Variants in RAD51 observed in about 807,000 individuals in gnomAD.
RAD51 encodes the protein RAD51 recombinase.
A neutral mutation model predicts 41.5 loss-of-function variants in RAD51; 14 were observed. The ratio of observed to expected loss-of-function variants is 0.34; its 90% CI spans 0.22 to 0.53. The LOEUF (loss-of-function observed/expected upper bound fraction) is 0.53. Among genes scored for constraint, RAD51 ranks in the 20% least tolerant of loss-of-function variants. The pLI is 0.95. For missense variants in RAD51, 234 were observed against 422.0 expected (o/e 0.55, Z 3.90); for synonymous variants, 136 against 148.6 (o/e 0.92, Z 0.62).
At chr15:40,698,483 G>A (rs1218761125) in intron 1 of RAD51, among the ~76,000 whole-genome samples, 3 of 152,062 alleles carry the variant, frequency 2.0e-5, no homozygotes, top group African/African-American at 4.8e-5. Flanking sequence ...ACCGCGCCCC[G>A]CCAAGATCAA....
intron 3 of RAD51, among the ~76,000 whole-genome samples, chr15:40,705,053 T>C (rs1356536333): frequency 6.6e-6 from 1 of 151,696 alleles, no homozygotes; most frequent in Non-Finnish European, 1.5e-5. Context: ...CCAGCAGTCC[T>C]CCCACCTCAG....
intron 6 of RAD51, among the ~76,000 whole-genome samples, chr15:40,725,779 G>A (rs1021321728): frequency 2.0e-5 from 3 of 152,252 alleles, no homozygotes; most frequent in African/African-American, 4.8e-5. Flanking sequence ...CCTAAGGTCA[G>A]GAGTTTGAGA....
intron 7 of RAD51, among the ~76,000 whole-genome samples, chr15:40,729,202 C>T (rs1896742887): frequency 6.6e-6 from 1 of 151,762 alleles, no homozygotes; most frequent in Non-Finnish European, 1.5e-5. Context: ...GAATCCGTCT[C>T]TACTAAAAAA....
At chr15:40,708,884 T>A (rs1253950464) in intron 4 of RAD51, 141 bp from the exon 5 acceptor site, 1 of 800,614 alleles carries the variant, frequency 1.2e-6, no homozygotes, top group Non-Finnish European at 2.1e-6. Flanking sequence ...TCAAAATACA[T>A]TTGTGAAAAA....
At chr15:40,710,258 A>G (rs1895621333) in intron 5 of RAD51, among the ~76,000 whole-genome samples, 1 of 146,632 alleles carries the variant, frequency 6.8e-6, no homozygotes, top group African/African-American at 2.5e-5. Context: ...AAAAAAAAAA[A>G]AAAAAAAAAA....
intron 1 of RAD51, among the ~76,000 whole-genome samples, chr15:40,697,538 C>T (rs941301356): frequency 2.0e-5 from 3 of 149,092 alleles, no homozygotes. Context: ...TTTTGACAGA[C>T]GATTGTACAT....
At chr15:40,703,056 T>C (rs145670471) in intron 3 of RAD51, among the ~76,000 whole-genome samples, 93 of 152,314 alleles carry the variant, frequency 6.1e-4, no homozygotes, top group Middle Eastern at 6.8e-3. Context: ...CTATATTCCT[T>C]GAGCTCCCAT....
intron 6 of RAD51, among the ~76,000 whole-genome samples, chr15:40,728,153 C>T (rs944493435): frequency 6.6e-6 from 1 of 152,186 alleles, no homozygotes; most frequent in African/African-American, 2.4e-5. Flanking sequence ...AGCCACCGCA[C>T]CTGGCCCTCA....
intron 6 of RAD51, among the ~76,000 whole-genome samples, chr15:40,723,630 G>T (rs1390317054): frequency 2.0e-5 from 3 of 152,166 alleles, no homozygotes; most frequent in African/African-American, 7.2e-5. Flanking sequence ...GATAATCTAA[G>T]GGATAGAAGA....
At chr15:40,706,799 A>T (rs1895372112) in intron 4 of RAD51, among the ~76,000 whole-genome samples, 1 of 152,194 alleles carries the variant, frequency 6.6e-6, no homozygotes, top group Non-Finnish European at 1.5e-5. Context: ...CTGCAAATTA[A>T]ATAATTTAGT....
chr15:40,710,719 G>A (rs1895664975), intron 5 of RAD51, among the ~76,000 whole-genome samples: 1 of 151,948 alleles, frequency 6.6e-6, no homozygotes, highest in Non-Finnish European at 1.5e-5. Flanking sequence ...AACCTAACCT[G>A]CTCTTTGCAT....
chr15:40,719,911 G>T (rs1382726228), intron 6 of RAD51, among the ~76,000 whole-genome samples: 1 of 151,580 alleles, frequency 6.6e-6, no homozygotes, highest in African/African-American at 2.4e-5. Flanking sequence ...AGATATAACA[G>T]TTGTAAAGAT....
chr15:40,719,831 C>CAA (rs34847467), intron 6 of RAD51, among the ~76,000 whole-genome samples: 223 of 146,762 alleles, frequency 1.5e-3, no homozygotes, highest in African/African-American at 4.9e-3. Context: ...GAATCCGTCT[C>CAA]AAAAAAAAAA....
chr15:40,728,840 A>T lies in RAD51; in HGVS notation c.644+16A>T. 1 of 1,582,416 alleles carries T rather than the reference A, an allele frequency of 6.3e-7. No homozygotes were observed. The highest frequency in any genetic ancestry group is 8.7e-7 in the Non-Finnish European group (1 of 1,151,134). ...TAGAATCTAGGTATGTGTTCAGTAT[A>T]AGACACCAAATATGTTCTTAAGAGT... On this transcript the variant is annotated intron_variant, in intron 7 of 9. Coordinates refer to ENST00000267868, the MANE Select transcript of RAD51 (RefSeq NM_002875.5).
chr15:40,699,371 G>C (rs965509762), intron 2 of RAD51, among the ~76,000 whole-genome samples: 1 of 152,252 alleles, frequency 6.6e-6, no homozygotes, highest in African/African-American at 2.4e-5. Flanking sequence ...TCGAACTCCT[G>C]ACCTCAGGTG....
At chr15:40,712,629 C>G (rs1464660252) in intron 5 of RAD51, among the ~76,000 whole-genome samples, 1 of 152,114 alleles carries the variant, frequency 6.6e-6, no homozygotes, top group African/African-American at 2.4e-5. Flanking sequence ...TGAACCTGGC[C>G]CATGCCCATG....
At chr15:40,712,857 GT>G (rs938907260) in intron 5 of RAD51, among the ~76,000 whole-genome samples, 1 of 130,604 alleles carries the variant, frequency 7.7e-6, no homozygotes, top group African/African-American at 2.8e-5. Flanking sequence ...ACTCTGTTGA[GT>G]TTTTTTTTCT....
Position 40,729,013 on chromosome 15 carries a change from G to A in RAD51, c.644+189G>A, listed in dbSNP as rs535962845. Among the ~76,000 whole-genome samples, 3 of 152,256 alleles carry A rather than the reference G, an allele frequency of 2.0e-5. No homozygotes were observed. The East Asian group carries it at 5.8e-4, about 29-fold the overall frequency. On this transcript the variant is annotated intron_variant, in intron 7 of 9. Transcript: ENST00000267868. The stretch of plus-strand genomic sequence containing the variant: ...TTAAAAATGAAACCATAATCTACTT[G>A]AACTTGCTGGAAATCTTGTTAAACG...
At chr15:40,729,281 G>A (rs923301902) in intron 7 of RAD51, among the ~76,000 whole-genome samples, 2 of 148,762 alleles carry the variant, frequency 1.3e-5, no homozygotes, top group African/African-American at 5.0e-5. Context: ...GCTGAAGCAG[G>A]AGAATGGAGT....
Sources: gnomAD v4.1 joint callset for allele counts (sites outside exome capture counted in the v4.1 genomes callset) on GRCh38, gnomAD v4.1.1 for gene constraint, MANE v1.5 for transcripts, NCBI Gene and HGNC (gene_info 2026-07-23, HGNC 2026-07-21) for gene names.